FRMD3: variants seen among roughly 807,000 people sequenced by gnomAD.
FRMD3 encodes FERM domain-containing protein 3.
FRMD3 carries 33 observed loss-of-function variants against 70.2 expected under a neutral mutation model. The observed-to-expected ratio is 0.47, with a 90% CI of 0.36 to 0.63. The LOEUF (loss-of-function observed/expected upper bound fraction) is 0.63. Ranked by LOEUF, FRMD3 falls within the 20% of genes least tolerant of loss-of-function variation. The pLI is 0.00. For synonymous variants in FRMD3, 279 were observed against 255.9 expected (o/e 1.09, Z -0.86); for missense variants, 632 against 711.4 (o/e 0.89, Z 1.27).
At chr9:83,286,519 CA>C (rs940806939) in intron 13 of FRMD3, among the ~76,000 whole-genome samples, 2 of 151,950 alleles carry the variant, frequency 1.3e-5, no homozygotes, top group African/African-American at 4.8e-5. Flanking sequence ...TTAGTAGAGA[CA>C]GGGGTTTCAC....
chr9:83,298,831 AAC>A lies in FRMD3; in HGVS notation c.1002-17_1002-16del, dbSNP rs1015263141. On this transcript the variant is annotated splice_polypyrimidine_tract_variant and intron_variant, in intron 11 of 13. Transcript: ENST00000304195. ...CAACTTTCCCACTGCAAAAGACAGA[AAC>A]ACATGTGTATGCACACATAGTCAGA... 6.6e-5 allele frequency: 106 copies of A among 1,612,818 alleles called. No homozygotes were observed. Among genetic ancestry groups the A allele is most frequent in the Non-Finnish European group, 8.4e-5 (99 of 1,178,864 alleles).
chr9:83,446,624 G>A (rs531312064), intron 1 of FRMD3, among the ~76,000 whole-genome samples: 1 of 143,852 alleles, frequency 7.0e-6, no homozygotes, highest in Admixed American at 7.0e-5. Context: ...TCCAGCCTGG[G>A]CGACAGAGCA....
At chr9:83,416,784 TCTCA>T (rs58763751) in intron 1 of FRMD3, among the ~76,000 whole-genome samples, 4,388 of 96,652 alleles carry the variant, frequency 0.045, 154 homozygotes, top group African/African-American at 0.097. Context: ...TCTCTCTCTC[TCTCA>T]CTCTCTCTCT....
At chr9:83,389,523 G>T in intron 2 of FRMD3, 81 bp downstream of exon 2, 1 of 887,624 alleles carries the variant, frequency 1.1e-6, no homozygotes, top group South Asian at 1.4e-5. Flanking sequence ...GGCATCACTA[G>T]GGCTTTGAGA....
chr9:83,281,721 G>A (rs1373990090), intron 13 of FRMD3: 3 of 152,238 alleles, frequency 2.0e-5, no homozygotes, highest in Admixed American at 6.6e-5. Flanking sequence ...AGAAGGGAGC[G>A]AGCTTCCTGT....
At chr9:83,452,989 G>A (rs1449937522) in intron 1 of FRMD3, among the ~76,000 whole-genome samples, 1 of 151,614 alleles carries the variant, frequency 6.6e-6, no homozygotes, top group Non-Finnish European at 1.5e-5. Flanking sequence ...TGAGTAGCTG[G>A]GATTACAGTC....
intron 5 of FRMD3, among the ~76,000 whole-genome samples, chr9:83,336,074 C>T (rs1823567571): frequency 6.6e-6 from 1 of 152,032 alleles, no homozygotes; most frequent in Non-Finnish European, 1.5e-5. Context: ...TCAAAGAATA[C>T]AGGATTTCAG....
At chr9:83,547,927 C>G in the FRMD3 span, among the ~76,000 whole-genome samples, 12 of 152,234 alleles carry the variant, frequency 7.9e-5, no homozygotes, top group Admixed American at 3.3e-4. Flanking sequence ...GAAATCAATA[C>G]CAAAGCAGAT....
Position 83,311,944 on chromosome 9 carries a change from A to T in FRMD3, c.716T>A (p.Phe239Tyr). Residue 239 changes from phenylalanine (F) to tyrosine (Y), a missense_variant, in exon 8 of 14, where the codon TTC becomes TAC. Physicochemically the swap from Phe to Tyr is conservative, Grantham distance 22 (BLOSUM62 3). This residue lies in a region of FRMD3 where 418 missense variants were observed against 442.1 expected (regional missense o/e 0.95). Transcript: ENST00000304195. ...DSTGTTTFLGFTAAGFVVFQG... is the reference protein window; with the variant it reads ...DSTGTTTFLGYTAAGFVVFQG... Reference sequence around the variant, plus strand: ...AAAGACCACAAAGCCTGCAGCTGTGAATCCTAAAAATGTTGTTGTGCCTGT... The same window carrying T: ...AAAGACCACAAAGCCTGCAGCTGTGTATCCTAAAAATGTTGTTGTGCCTGT... The T allele has an allele frequency of 6.2e-7, 1 of 1,611,530 alleles. No individual in the cohort carries two copies. Among genetic ancestry groups the T allele is most frequent in the Admixed American group, 1.7e-5 (1 of 59,794 alleles).
At chr9:83,273,166 C>T (rs1327087158) in intron 13 of FRMD3, among the ~76,000 whole-genome samples, 5 of 152,222 alleles carry the variant, frequency 3.3e-5, no homozygotes, top group East Asian at 1.9e-4. Flanking sequence ...GCCATGATGA[C>T]GATGGTGGTT....
chr9:83,298,953 A>G (rs1407751092), intron 11 of FRMD3, 137 bp from the exon 12 acceptor site: 2 of 1,018,742 alleles, frequency 2.0e-6, no homozygotes, highest in African/African-American at 3.2e-5. Flanking sequence ...TTACGGTAGA[A>G]TTTGAGGGTG....
At chr9:83,535,561 G>A (rs1829874899) in intron 1 of FRMD3, among the ~76,000 whole-genome samples, 1 of 152,042 alleles carries the variant, frequency 6.6e-6, no homozygotes, top group African/African-American at 2.4e-5. Context: ...GGACAGCTTT[G>A]GATGCAGCCC....
chr9:83,421,505 AG>A (rs1826642870), intron 1 of FRMD3, among the ~76,000 whole-genome samples: 2 of 152,286 alleles, frequency 1.3e-5, no homozygotes, highest in South Asian at 2.1e-4. Context: ...TCACACAGAA[AG>A]GGGGTAGCAG....
At chr9:83,542,133 G>C (rs1830006896), upstream of FRMD3, among the ~76,000 whole-genome samples, 1 of 152,042 alleles carries the variant, frequency 6.6e-6, no homozygotes, top group Non-Finnish European at 1.5e-5. Context: ...AGCAGTGGCT[G>C]CAAGTCCAGT....
At chr9:83,545,836 G>A in the FRMD3 span, among the ~76,000 whole-genome samples, 2 of 152,138 alleles carry the variant, frequency 1.3e-5, no homozygotes, top group African/African-American at 4.8e-5. Context: ...TACACATCCA[G>A]ATACAAGAAG....
intron 3 of FRMD3, among the ~76,000 whole-genome samples, chr9:83,367,009 G>C (rs1435004111): frequency 6.6e-6 from 1 of 152,112 alleles, no homozygotes. Context: ...CTCCAGCCTG[G>C]TTGACAGAAT....
intron 6 of FRMD3, chr9:83,331,856 T>G (rs1466010657): frequency 2.8e-6 from 2 of 717,392 alleles, no homozygotes; most frequent in African/African-American, 3.5e-5. Context: ...TATTACCTTC[T>G]GAACACCATA....
chr9:83,541,468 A>G (rs964582941), upstream of FRMD3, among the ~76,000 whole-genome samples: 4 of 152,260 alleles, frequency 2.6e-5, no homozygotes, highest in African/African-American at 9.6e-5. Context: ...GTGTATTTCC[A>G]CATGTGGCCA....
At chr9:83,300,358 A>T (rs1211130828) in intron 10 of FRMD3, among the ~76,000 whole-genome samples, 2 of 152,260 alleles carry the variant, frequency 1.3e-5, no homozygotes, top group African/African-American at 4.8e-5. Flanking sequence ...GGATATACCC[A>T]GCAGAGGGCC....
Sources: gnomAD v4.1 joint callset for allele counts (sites outside exome capture counted in the v4.1 genomes callset) on GRCh38, gnomAD v4.1.1 for gene constraint, gnomAD v4.1.1 regional missense constraint, MANE v1.5 for transcripts, NCBI Gene and HGNC (gene_info 2026-07-23, HGNC 2026-07-21) for gene names.